MRC1: variants seen among roughly 807,000 people sequenced by gnomAD.
The protein encoded by MRC1 is mannose receptor C-type 1.
Under a neutral mutation model 102.9 loss-of-function variants are expected in MRC1, and 62 were observed. The ratio of observed to expected loss-of-function variants is 0.60; its 90% CI spans 0.49 to 0.74. The LOEUF (loss-of-function observed/expected upper bound fraction) is 0.74. Among genes scored for constraint, MRC1 ranks in the 30% least tolerant of loss-of-function variants. MRC1 has a pLI of 0.00. For missense variants in MRC1, 1,237 were observed against 862.8 expected, an observed-to-expected ratio of 1.43 and a Z score of -5.43; for synonymous variants, 457 against 298.4, an observed-to-expected ratio of 1.53 and a Z score of -5.48.
At chr10:17,895,467 G>A (rs1187074219) in intron 23 of MRC1, among the ~76,000 whole-genome samples, 6 of 151,562 alleles carry the variant, frequency 4.0e-5, no homozygotes, top group Non-Finnish European at 8.8e-5. Context: ...TTAAATGTCA[G>A]AATAGGAATA....
At chr10:17,844,900 A>C (rs1044539824) in intron 5 of MRC1, among the ~76,000 whole-genome samples, 6 of 152,190 alleles carry the variant, frequency 3.9e-5, no homozygotes, top group African/African-American at 1.2e-4. Context: ...GCTGCAAAGG[A>C]CATGATGATT....
Position 17,910,455 on chromosome 10 carries a change from C to T in MRC1, c.4361C>T (p.Ser1454Leu), listed in dbSNP as rs1371563949. The T allele has an allele frequency of 7.7e-6, 6 of 780,600 alleles. No individual in the cohort carries two copies. Among genetic ancestry groups the T allele is most frequent in the African/African-American group, 6.8e-5 (4 of 59,066 alleles). The allele number at this position is 780,600 out of a possible 1,614,324, so 48.4% of individuals were successfully genotyped here. A position where few individuals can be genotyped will look rare whatever the true frequency, so the allele number is the denominator to read the frequency against. ...LVGNIEQNEH[S>L]VI is the part of the protein sequence containing the mutation. ...GGCAATATTGAACAGAATGAACACTCGGTCATCTAGTACCTCAATGCGATT... is the reference window on the plus strand; with the variant it reads ...GGCAATATTGAACAGAATGAACACTTGGTCATCTAGTACCTCAATGCGATT... The change falls in exon 30 of 30, where the codon TCG (serine) becomes TTG (leucine). Residue 1454 changes from serine (S) to leucine (L), a missense_variant. Coordinates refer to ENST00000569591, the MANE Select transcript of MRC1 (RefSeq NM_002438.4).
chr10:17,865,907 C>G (rs1469273918), intron 11 of MRC1, among the ~76,000 whole-genome samples: 1 of 152,182 alleles, frequency 6.6e-6, no homozygotes, highest in Non-Finnish European at 1.5e-5. Context: ...TTCATTGTAG[C>G]AGCAAAGAAT....
chr10:17,828,220 G>T (rs1838512943), intron 3 of MRC1, among the ~76,000 whole-genome samples: 1 of 152,078 alleles, frequency 6.6e-6, no homozygotes, highest in South Asian at 2.1e-4. Context: ...GGGACTACAG[G>T]CGCCCGCCAC....
At chr10:17,820,768 A>G (rs1838383437) in intron 1 of MRC1, among the ~76,000 whole-genome samples, 2 of 152,240 alleles carry the variant, frequency 1.3e-5, no homozygotes, top group African/African-American at 4.8e-5. Context: ...ACATATATCT[A>G]TGGCAAAAGT....
In MRC1 at chr10:17,823,289, T is replaced by C. The variant is rs1554838400; in HGVS notation, c.277T>C (p.Ser93Pro). Residue 93 changes from serine (S) to proline (P), a missense_variant, in exon 2 of 30, where the codon TCA becomes CCA. By Grantham distance (74) the Ser-to-Pro change is moderately conservative. Coordinates refer to ENST00000569591, the MANE Select transcript of MRC1 (RefSeq NM_002438.4). Reference sequence around the variant, plus strand: ...TGCTATCACTCTCTATGCCTGTGACTCAAAAAGTGAATTTCAGAAATGGGA... The same window carrying C: ...TGCTATCACTCTCTATGCCTGTGACCCAAAAAGTGAATTTCAGAAATGGGA... The part of the protein sequence containing the change: ...WVAITLYACD[S>P]KSEFQKWECK... 1.3e-6 allele frequency: 1 copy of C among 780,610 alleles called. No individual in the cohort carries two copies. Among genetic ancestry groups the C allele is most frequent in the Non-Finnish European group, 2.4e-6 (1 of 417,802 alleles). 48.4% of individuals were successfully genotyped at this position (780,610 alleles called of 1,614,324 possible).
chr10:17,836,520 C>G (rs897875607), intron 4 of MRC1, among the ~76,000 whole-genome samples: 5 of 152,114 alleles, frequency 3.3e-5, no homozygotes, highest in Non-Finnish European at 7.4e-5. Context: ...TTTGGGCAGA[C>G]TTGCAGGCAC....
chr10:17,860,321 G>A (rs1418897145), intron 9 of MRC1, among the ~76,000 whole-genome samples: 2 of 149,634 alleles, frequency 1.3e-5, no homozygotes, highest in African/African-American at 4.9e-5. Context: ...ACTCAGGCTC[G>A]AGTGTAGTGG....
At chr10:17,835,648 A>G (rs1180229977) in intron 4 of MRC1, among the ~76,000 whole-genome samples, 1 of 152,194 alleles carries the variant, frequency 6.6e-6, no homozygotes, top group Non-Finnish European at 1.5e-5. Flanking sequence ...GGTCTCACCA[A>G]ACATTTGCTG....
At chr10:17,881,834 G>GTTTTT (rs1159143035) in intron 21 of MRC1, among the ~76,000 whole-genome samples, 5 of 61,878 alleles carry the variant, frequency 8.1e-5, no homozygotes, top group Admixed American at 2.5e-4. Context: ...ATTTTTTAAA[G>GTTTTT]TTTTTTTTTT....
intron 3 of MRC1, among the ~76,000 whole-genome samples, chr10:17,829,578 C>T (rs974902121): frequency 2.6e-5 from 4 of 151,310 alleles, no homozygotes; most frequent in Non-Finnish European, 4.4e-5. Context: ...ATTTTGTATT[C>T]GAAGTATTTT....
chr10:17,895,485 T>C (rs946323619), intron 23 of MRC1, among the ~76,000 whole-genome samples: 17 of 152,264 alleles, frequency 1.1e-4, no homozygotes, highest in Non-Finnish European at 2.1e-4. Context: ...ATACCTCCCT[T>C]TAATTCATGT....
Position 17,845,458 on chromosome 10 carries a change from A to G in MRC1, c.1063+23A>G, listed in dbSNP as rs1432509888. The G allele has an allele frequency of 4.0e-5, 31 of 780,780 alleles. No homozygotes were observed. The Admixed American group carries it at 5.3e-4, about 13-fold the overall frequency. The allele number at this position is 780,780 out of a possible 1,614,324, so 48.4% of individuals were successfully genotyped here. A position where few individuals can be genotyped will look rare whatever the true frequency, so the allele number is the denominator to read the frequency against. On this transcript the variant is annotated intron_variant, in intron 6 of 29. Coordinates refer to ENST00000569591, the MANE Select transcript of MRC1 (RefSeq NM_002438.4). The stretch of plus-strand genomic sequence containing the variant: ...CAGGTAAGTGATCTATGGGATCTGA[A>G]GTGCCTCAACTATTAGAATTGAAAG...
intron 19 of MRC1, 66 bp from the exon 20 acceptor site, chr10:17,880,459 T>C (rs1426197173): frequency 5.2e-6 from 4 of 767,912 alleles, no homozygotes; most frequent in Non-Finnish European, 7.2e-6. Context: ...TAGAAATATA[T>C]TTTTTAAAAT....
chr10:17,897,257 GA>G (rs1271350245), intron 23 of MRC1, among the ~76,000 whole-genome samples: 47 of 152,322 alleles, frequency 3.1e-4, no homozygotes, highest in African/African-American at 1.1e-3. Flanking sequence ...AATACAGACA[GA>G]AACAAGCTCT....
At position 17,840,639 on chromosome 10, in the gene MRC1, G is replaced by T. The variant is rs573296842; in HGVS notation, c.803-54G>T. On this transcript the variant is annotated intron_variant, in intron 4 of 29. Transcript: ENST00000569591. Reference sequence around the variant, plus strand: ...CTTAGTTCTGAATTTAATTTCAACTGTTTTCTGAATGCCAAGTTCTTGTTT... The same window carrying T: ...CTTAGTTCTGAATTTAATTTCAACTTTTTTCTGAATGCCAAGTTCTTGTTT... 3.4e-4 allele frequency: 268 copies of T among 777,318 alleles called. 1 individual carries two copies. The African/African-American group carries it at 3.9e-3, about 11-fold the overall frequency. The allele number at this position is 777,318 out of a possible 1,614,324, so 48.2% of individuals were successfully genotyped here. A position where few individuals can be genotyped will look rare whatever the true frequency, so the allele number is the denominator to read the frequency against.
At chr10:17,874,966 C>T (rs1388326352) in intron 16 of MRC1, 124 bp from the exon 17 acceptor site, 1 of 742,612 alleles carries the variant, frequency 1.3e-6, no homozygotes, top group Non-Finnish European at 2.5e-6. Flanking sequence ...CTGTTCTGGT[C>T]TCTCAGAGTT....
At chr10:17,861,972 A>G (rs1833190828) in intron 10 of MRC1, among the ~76,000 whole-genome samples, 2 of 152,196 alleles carry the variant, frequency 1.3e-5, no homozygotes, top group African/African-American at 4.8e-5. Flanking sequence ...GGAAAATCAC[A>G]TGGACATAGA....
chr10:17,902,174 C>G, intron 26 of MRC1, 52 bp downstream of exon 26: 1 of 739,608 alleles, frequency 1.4e-6, no homozygotes, highest in Admixed American at 2.0e-5. Flanking sequence ...ATTCTGGGGT[C>G]CACTGACACT....
Sources: allele counts gnomAD v4.1 joint callset (sites outside exome capture counted in the v4.1 genomes callset), GRCh38; gene constraint gnomAD v4.1.1; transcripts MANE v1.5; gene names NCBI Gene and HGNC (gene_info 2026-07-23, HGNC 2026-07-21).